The following RSBN1 variants were observed in gnomAD, a reference collection of about 807,000 sequenced individuals.
RSBN1 encodes the protein round spermatid basic protein 1.
A neutral mutation model predicts 74.8 loss-of-function variants in RSBN1; 23 were observed. That is an observed-to-expected ratio of 0.31 (90% CI 0.22 to 0.44). RSBN1 has a LOEUF of 0.44. RSBN1 is among the 20% of genes least tolerant of loss of function. The pLI, the probability that RSBN1 is intolerant of heterozygous loss-of-function variation, is 1.00. For missense variants in RSBN1, 808 were observed against 1,020.9 expected, an observed-to-expected ratio of 0.79 and a Z score of 2.84; for synonymous variants, 407 against 379.6, an observed-to-expected ratio of 1.07 and a Z score of -0.84.
In RSBN1 at chr1:113,766,069, T is replaced by C. The variant is rs769573132; in HGVS notation, c.2320A>G (p.Thr774Ala). The C allele has an allele frequency of 6.2e-7, 1 of 1,614,104 alleles. No homozygotes were observed. Among genetic ancestry groups the C allele is most frequent in the Non-Finnish European group, 8.5e-7 (1 of 1,179,962 alleles). Residue 774 changes from threonine (T) to alanine (A), a missense_variant, in exon 7 of 7, where the codon ACT (threonine) becomes GCT (alanine). This residue lies in a region of RSBN1 where 91 missense variants were observed against 99.6 expected (regional missense o/e 0.91). Transcript: ENST00000261441. ...SELNLQQDQKTQPIPVLKVES... is the reference protein window; with the variant it reads ...SELNLQQDQKAQPIPVLKVES... ...ACTTTTAAAACTGGAATAGGCTGAG[T>C]CTTCTGATCTTGCTGTAGATTAAGT...
At chr1:113,806,428 A>C (rs1265873596) in intron 1 of RSBN1, among the ~76,000 whole-genome samples, 2 of 152,186 alleles carry the variant, frequency 1.3e-5, no homozygotes, top group Non-Finnish European at 2.9e-5. Context: ...TTTTCAACAA[A>C]AGGTGCTAGA....
intron 6 of RSBN1, among the ~76,000 whole-genome samples, chr1:113,766,798 G>T (rs905518990): frequency 6.6e-6 from 1 of 152,186 alleles, no homozygotes; most frequent in African/African-American, 2.4e-5. Flanking sequence ...GCCTTTTGCA[G>T]TTGAGGGGAC....
Position 113,777,352 on chromosome 1 carries a change from T to G in RSBN1, c.1516A>C (p.Met506Leu). Residue 506 changes from methionine (M) to leucine (L), a missense_variant and splice_region_variant, in exon 4 of 7, where the codon ATG becomes CTG. Transcript: ENST00000261441. The part of the protein sequence containing the change: ...DMLEESPFLK[M>L]TLPWGTLSSL... ...GAAAGTGTACCCCAGGGCAAAGTCATCTAGAAATCAGACGGATTAGTCACA... is the reference window on the plus strand; with the variant it reads ...GAAAGTGTACCCCAGGGCAAAGTCAGCTAGAAATCAGACGGATTAGTCACA... 2 of 1,605,766 alleles carry G rather than the reference T, an allele frequency of 1.2e-6. No homozygotes were observed. Among genetic ancestry groups the G allele is most frequent in the Non-Finnish European group, 1.7e-6 (2 of 1,175,830 alleles).
intron 3 of RSBN1, 54 bp downstream of exon 3, chr1:113,777,617 A>T: frequency 6.6e-7 from 1 of 1,517,408 alleles, no homozygotes; most frequent in South Asian, 1.3e-5. Context: ...TTCAACATAT[A>T]AAGTGCCCAC....
In RSBN1 at chr1:113,763,646, G is replaced by A. The variant is rs1395551529; in HGVS notation, c.*2334C>T. 1 of 152,648 alleles carries A rather than the reference G, an allele frequency of 6.6e-6. No individual in the cohort carries two copies. The highest frequency in any genetic ancestry group is 1.9e-4 in the East Asian group (1 of 5,342). The allele number at this position is 152,648 out of a possible 1,614,324, so 9.5% of individuals were successfully genotyped here. A position where few individuals can be genotyped will look rare whatever the true frequency, so the allele number is the denominator to read the frequency against. On this transcript the variant is annotated 3_prime_UTR_variant, in exon 7 of 7. Transcript: ENST00000261441. Reference sequence around the variant, plus strand: ...GCTAAATGTTTCTCTTCATTCTATTGCAATTCTAACATACAATGAATTTAT... The same window carrying A: ...GCTAAATGTTTCTCTTCATTCTATTACAATTCTAACATACAATGAATTTAT...
At chr1:113,789,023 T>A (rs2040040) in intron 2 of RSBN1, among the ~76,000 whole-genome samples, 33,029 of 152,126 alleles carry the variant, frequency 0.22, 4,491 homozygotes, top group South Asian at 0.39. Flanking sequence ...TCATCCCTAT[T>A]TCCTGAGGTA....
intron 2 of RSBN1, among the ~76,000 whole-genome samples, chr1:113,788,599 C>T (rs1346832547): frequency 6.6e-6 from 1 of 152,116 alleles, no homozygotes; most frequent in Non-Finnish European, 1.5e-5. Flanking sequence ...GATTTCTCAA[C>T]AGCAACACTG....
At chr1:113,797,175 AAAG>A (rs1195338048) in intron 2 of RSBN1, among the ~76,000 whole-genome samples, 185 bp downstream of exon 2, 3 of 152,208 alleles carry the variant, frequency 2.0e-5, no homozygotes, top group Admixed American at 6.5e-5. Flanking sequence ...TCCCTCCAGT[AAAG>A]AAGAAGCCCC....
chr1:113,772,578 T>C (rs1391090943), intron 4 of RSBN1, among the ~76,000 whole-genome samples: 1 of 152,196 alleles, frequency 6.6e-6, no homozygotes, highest in Non-Finnish European at 1.5e-5. Context: ...CTAGAGTTCA[T>C]AAATCCAAAG....
chr1:113,777,418 C>T (rs778490973), intron 3 of RSBN1, 66 bp from the exon 4 acceptor site: 146 of 1,496,154 alleles, frequency 9.8e-5, no homozygotes, highest in Non-Finnish European at 1.3e-4. Flanking sequence ...AATCCTCCCA[C>T]CCAAATAAAA....
chr1:113,778,942 C>A (rs181999460), intron 2 of RSBN1, among the ~76,000 whole-genome samples: 1 of 152,298 alleles, frequency 6.6e-6, no homozygotes, highest in East Asian at 1.9e-4. Context: ...TGATACTATT[C>A]CTCTAGTCAT....
At chr1:113,805,217 A>T (rs537040292) in intron 1 of RSBN1, among the ~76,000 whole-genome samples, 111 of 152,068 alleles carry the variant, frequency 7.3e-4, no homozygotes, top group African/African-American at 2.5e-3. Context: ...TCCAGGTTCA[A>T]GTGATTCTCC....
chr1:113,810,963 T>C (rs1281195776), intron 1 of RSBN1, among the ~76,000 whole-genome samples: 1 of 152,174 alleles, frequency 6.6e-6, no homozygotes, highest in African/African-American at 2.4e-5. Flanking sequence ...TCTAGTAAAA[T>C]ATTCTTGAGG....
chr1:113,789,648 A>C (rs1268298914), intron 2 of RSBN1, among the ~76,000 whole-genome samples: 1 of 152,194 alleles, frequency 6.6e-6, no homozygotes. Context: ...TCTGGGATCC[A>C]AAACTGACTC....
chr1:113,796,856 G>A (rs1660482509), intron 2 of RSBN1, among the ~76,000 whole-genome samples: 1 of 152,190 alleles, frequency 6.6e-6, no homozygotes, highest in South Asian at 2.1e-4. Context: ...TAGGCAGAAG[G>A]AGCAGAGGCT....
At chr1:113,788,962 G>A (rs1394618912) in intron 2 of RSBN1, among the ~76,000 whole-genome samples, 1 of 151,748 alleles carries the variant, frequency 6.6e-6, no homozygotes, top group East Asian at 1.9e-4. Context: ...CAATGTCCAA[G>A]AATAGGAGAA....
intron 3 of RSBN1, 41 bp downstream of exon 3, chr1:113,777,630 A>G (rs1445053884): frequency 6.4e-7 from 1 of 1,570,638 alleles, no homozygotes; most frequent in African/African-American, 1.4e-5. Flanking sequence ...GTGCCCACTT[A>G]AGTAAAGATC....
intron 4 of RSBN1, among the ~76,000 whole-genome samples, chr1:113,773,833 T>C (rs1302291026): frequency 4.6e-5 from 7 of 151,848 alleles, no homozygotes; most frequent in Non-Finnish European, 8.8e-5. Flanking sequence ...TGAAACCCCG[T>C]CTCTACTAAA....
At chr1:113,798,160 C>T (rs185290611) in intron 1 of RSBN1, 124 bp from the exon 2 acceptor site, 19 of 773,036 alleles carry the variant, frequency 2.5e-5, no homozygotes, top group Non-Finnish European at 3.3e-5. Context: ...TTACAACTTA[C>T]GTGTTTAGAA....
Sources: allele counts gnomAD v4.1 joint callset (sites outside exome capture counted in the v4.1 genomes callset), GRCh38; gene constraint gnomAD v4.1.1; regional missense constraint gnomAD v4.1.1; transcripts MANE v1.5; gene names NCBI Gene and HGNC (gene_info 2026-07-23, HGNC 2026-07-21).